Variants in CNTN4 observed in about 807,000 individuals in gnomAD.
CNTN4 encodes the protein contactin-4.
In CNTN4, 77 loss-of-function variants were observed where a neutral mutation model predicts 122.5. That is an observed-to-expected ratio of 0.63 (90% CI 0.52 to 0.76). The LOEUF is 0.76. Among genes scored for constraint, CNTN4 ranks in the 30% least tolerant of loss-of-function variants. The probability of loss-of-function intolerance (pLI) is 0.00; values close to 1 mark genes in which losing one functional copy is unlikely to be tolerated. For synonymous variants in CNTN4, 512 were observed against 447.0 expected (o/e 1.15, Z -1.83); for missense variants, 1,256 against 1,259.1 (o/e 1.00, Z 0.04).
At chr3:2,378,128 G>GAGAAAT (rs1260211466) in intron 3 of CNTN4, among the ~76,000 whole-genome samples, 6 of 152,152 alleles carry the variant, frequency 3.9e-5, no homozygotes. Context: ...ATTTGGGGAG[G>GAGAAAT]AGAAATAGAT....
In CNTN4 at chr3:2,340,405, G is replaced by A. The variant is rs990005852; in HGVS notation, c.-89+1172G>A. Among the ~76,000 whole-genome samples, 16 of 151,802 alleles carry A rather than the reference G, an allele frequency of 1.1e-4. No individual in the cohort carries two copies. The Middle Eastern group carries it at 0.014, about 129-fold the overall frequency. On this transcript the variant is annotated intron_variant, in intron 3 of 24. Transcript: ENST00000418658. Reference sequence around the variant, plus strand: ...AGCAAGATAAAAATTATTCGGTACAGGGTTTGATAACATTGGGTAAAATAT... The same window carrying A: ...AGCAAGATAAAAATTATTCGGTACAAGGTTTGATAACATTGGGTAAAATAT...
At chr3:2,241,574 A>C (rs2039942274) in intron 2 of CNTN4, among the ~76,000 whole-genome samples, 1 of 152,128 alleles carries the variant, frequency 6.6e-6, no homozygotes, top group Admixed American at 6.6e-5. Context: ...CATCTTCTGC[A>C]ATGTCTTTCA....
intron 6 of CNTN4, among the ~76,000 whole-genome samples, chr3:2,811,288 A>G (rs969596444): frequency 6.6e-6 from 1 of 150,756 alleles, no homozygotes; most frequent in African/African-American, 2.4e-5. Context: ...GGTGCCTGTA[A>G]TCTCAGCTAC....
intron 3 of CNTN4, among the ~76,000 whole-genome samples, chr3:2,445,718 T>A (rs1221186513): frequency 6.6e-6 from 1 of 152,162 alleles, no homozygotes; most frequent in Non-Finnish European, 1.5e-5. Context: ...GTATTTAACT[T>A]CTGTTTCATG....
At chr3:2,213,878 A>C (rs2149453013) in intron 2 of CNTN4, among the ~76,000 whole-genome samples, 1 of 152,306 alleles carries the variant, frequency 6.6e-6, no homozygotes, top group African/African-American at 2.4e-5. Context: ...AAATGACAGA[A>C]GTTGGAATGA....
chr3:2,364,906 G>T (rs1029665787), intron 3 of CNTN4, among the ~76,000 whole-genome samples: 5 of 151,998 alleles, frequency 3.3e-5, no homozygotes, highest in Non-Finnish European at 7.4e-5. Flanking sequence ...TGTTTTCATA[G>T]TCCACAAGAT....
intron 2 of CNTN4, among the ~76,000 whole-genome samples, chr3:2,279,999 A>G (rs2041658481): frequency 6.6e-6 from 1 of 152,176 alleles, no homozygotes; most frequent in African/African-American, 2.4e-5. Context: ...AGAGCTAGGT[A>G]TAGATATATA....
chr3:3,051,571 G>A (rs567122135), intron 23 of CNTN4, among the ~76,000 whole-genome samples: 1 of 152,188 alleles, frequency 6.6e-6, no homozygotes, highest in African/African-American at 2.4e-5. Context: ...CTGGAGGGCC[G>A]TGATGAGAAG....
chr3:2,216,348 A>T (rs1185472337), intron 2 of CNTN4, among the ~76,000 whole-genome samples: 4 of 152,172 alleles, frequency 2.6e-5, no homozygotes, highest in Non-Finnish European at 4.4e-5. Flanking sequence ...GAACTTATGA[A>T]CACAGATGTG....
intron 3 of CNTN4, among the ~76,000 whole-genome samples, chr3:2,477,449 A>C (rs956761746): frequency 6.6e-6 from 1 of 152,166 alleles, no homozygotes; most frequent in Non-Finnish European, 1.5e-5. Context: ...CTCATTCAAC[A>C]ATTATAACAA....
intron 2 of CNTN4, among the ~76,000 whole-genome samples, chr3:2,143,112 T>G (rs1419086856): frequency 3.9e-5 from 6 of 152,232 alleles, no homozygotes; most frequent in Non-Finnish European, 7.3e-5. Context: ...TGTACTGCCG[T>G]GCAGCCTTGC....
intron 2 of CNTN4, among the ~76,000 whole-genome samples, chr3:2,225,125 T>C (rs1347565537): frequency 6.6e-6 from 1 of 150,738 alleles, no homozygotes; most frequent in African/African-American, 2.5e-5. Context: ...CACTCCAGCC[T>C]GGGCGACAGG....
chr3:2,471,785 C>G (rs1255160705), intron 3 of CNTN4, among the ~76,000 whole-genome samples: 1 of 152,160 alleles, frequency 6.6e-6, no homozygotes, highest in African/African-American at 2.4e-5. Context: ...TGCCAATGAA[C>G]TTTTCATTAA....
chr3:3,056,195 C>T lies in CNTN4; in HGVS notation c.3056C>T (p.Ser1019Phe), dbSNP rs755329070. The change falls in exon 25 of 25, where the codon TCC becomes TTC. Residue 1019 changes from serine (S) to phenylalanine (F), a missense_variant. Physicochemically the swap from Ser to Phe is radical, Grantham distance 155 (BLOSUM62 -2). Coordinates refer to ENST00000418658, the MANE Select transcript of CNTN4 (RefSeq NM_175607.3). ...TCAGCCATCAGTACAATAATGATTT[C>T]CCTCACAGCTAGGTCCAGTTTATGA... ...TLSAISTIMI[S>F]LTARSSL The T allele has an allele frequency of 2.5e-6, 4 of 1,613,900 alleles. No homozygotes were observed. The highest frequency in any genetic ancestry group is 4.5e-5 in the East Asian group (2 of 44,884).
At chr3:3,020,582 CA>C (rs1264769468) in intron 14 of CNTN4, among the ~76,000 whole-genome samples, 1 of 152,138 alleles carries the variant, frequency 6.6e-6, no homozygotes, top group Non-Finnish European at 1.5e-5. Context: ...TGAGGGCGCC[CA>C]CCTCCACCTG....
intron 3 of CNTN4, among the ~76,000 whole-genome samples, chr3:2,428,633 G>C (rs2047937773): frequency 6.6e-6 from 1 of 152,082 alleles, no homozygotes; most frequent in African/African-American, 2.4e-5. Context: ...TTGCTAGTTG[G>C]GGAAGTTCTC....
chr3:2,566,996 A>T (rs745431420), intron 3 of CNTN4, among the ~76,000 whole-genome samples: 1 of 152,200 alleles, frequency 6.6e-6, no homozygotes, highest in Non-Finnish European at 1.5e-5. Context: ...GCAGATCTTC[A>T]TACAGGAAAA....
intron 2 of CNTN4, among the ~76,000 whole-genome samples, chr3:2,299,622 A>G (rs1199775966): frequency 6.6e-6 from 1 of 152,030 alleles, no homozygotes; most frequent in Non-Finnish European, 1.5e-5. Flanking sequence ...TGTTTATTTT[A>G]GGGTTAACAT....
intron 13 of CNTN4, among the ~76,000 whole-genome samples, chr3:2,962,752 C>A (rs2094874745): frequency 6.6e-6 from 1 of 152,158 alleles, no homozygotes; most frequent in South Asian, 2.1e-4. Context: ...AACAGCTATC[C>A]TCAAAAGAAC....
Sources: gnomAD v4.1 joint callset for allele counts (sites outside exome capture counted in the v4.1 genomes callset) on GRCh38, gnomAD v4.1.1 for gene constraint, MANE v1.5 for transcripts, NCBI Gene and HGNC (gene_info 2026-07-23, HGNC 2026-07-21) for gene names.